The following HDAC4 variants were observed in gnomAD, a reference collection of about 807,000 sequenced individuals.
The protein encoded by HDAC4 is histone deacetylase A.
HDAC4 carries 16 observed loss-of-function variants against 135.1 expected under a neutral mutation model. The ratio of observed to expected loss-of-function variants is 0.12; its 90% CI spans 0.08 to 0.18. The LOEUF is 0.18. Ranked by LOEUF, HDAC4 falls within the 10% of genes least tolerant of loss-of-function variation. HDAC4 has a pLI of 1.00. For missense variants in HDAC4, 1,143 were observed against 1,511.8 expected (o/e 0.76, Z 4.05); for synonymous variants, 685 against 653.4 (o/e 1.05, Z -0.74).
chr2:239,397,415 T>C (rs1696637834), intron 1 of HDAC4, among the ~76,000 whole-genome samples: 1 of 152,146 alleles, frequency 6.6e-6, no homozygotes, highest in Non-Finnish European at 1.5e-5. Flanking sequence ...GCTCGTGGCA[T>C]CATCTCCTTG....
At chr2:239,385,961 G>A (rs1237036818) in intron 1 of HDAC4, among the ~76,000 whole-genome samples, 1 of 152,218 alleles carries the variant, frequency 6.6e-6, no homozygotes, top group East Asian at 1.9e-4. Flanking sequence ...GAAAGCTCAG[G>A]TGTGCCCTAA....
chr2:239,220,004 C>T (rs2046861479), intron 3 of HDAC4, among the ~76,000 whole-genome samples: 1 of 152,212 alleles, frequency 6.6e-6, no homozygotes, highest in African/African-American at 2.4e-5. Flanking sequence ...TTACTTCAGC[C>T]AACAGATAGG....
At chr2:239,266,781 C>G (rs532133174) in intron 2 of HDAC4, among the ~76,000 whole-genome samples, 1 of 152,256 alleles carries the variant, frequency 6.6e-6, no homozygotes, top group South Asian at 2.1e-4. Context: ...AGAGGCTCTT[C>G]CTTCACTTAG....
rs578122035 is a variant in HDAC4 at position 239,289,435 on chromosome 2, A to ATG, written c.23-52773_23-52772dup. 1.2e-4 allele frequency among the ~76,000 whole-genome samples: 19 copies of ATG among 152,340 alleles called. 1 individual carries two copies. In the South Asian group the frequency reaches 3.7e-3, roughly 30 times the overall value. On this transcript the variant is annotated intron_variant, in intron 2 of 26. Transcript: ENST00000543185. ...CATATAACTTTTCTTATGTTACAAT[A>ATG]TGTGTGTGTGTTTCCAGATCAAGGA...
intron 2 of HDAC4, among the ~76,000 whole-genome samples, chr2:239,330,491 C>T (rs1037251719): frequency 4.6e-5 from 7 of 152,252 alleles, no homozygotes; most frequent in African/African-American, 1.4e-4. Flanking sequence ...CCACCGAACA[C>T]TGGCCTGGAC....
In HDAC4 at chr2:239,233,870, T is replaced by C. The variant is rs2047738507; in HGVS notation, c.94+2723A>G. 2.0e-5 allele frequency among the ~76,000 whole-genome samples: 3 copies of C among 152,358 alleles called. No homozygotes were observed. In the South Asian group the frequency reaches 6.2e-4, roughly 32 times the overall value. On this transcript the variant is annotated intron_variant, in intron 3 of 26. Coordinates refer to ENST00000543185, the MANE Select transcript of HDAC4 (RefSeq NM_001378414.1). The stretch of plus-strand genomic sequence containing the variant: ...AATTGAGTGTGTGTGTGTATCAGTC[T>C]GTTTCCACACCTTCAAACATCAAAA...
At position 239,167,246 on chromosome 2, in the gene HDAC4, C is replaced by T. The variant is rs2043170948; in HGVS notation, c.491-3323G>A. 6.6e-6 allele frequency among the ~76,000 whole-genome samples: 1 copy of T among 152,176 alleles called. No individual in the cohort carries two copies. Among genetic ancestry groups the T allele is most frequent in the Non-Finnish European group, 1.5e-5 (1 of 68,032 alleles). On this transcript the variant is annotated intron_variant, in intron 5 of 26. Transcript: ENST00000543185. This position sits in a 1 kb window ranked among gnomAD's most constrained non-coding sequence, Gnocchi z 4.1. ...CTGTTACTGTGGATCCACTGGCCCT[C>T]CACGGGGGAGGGTGCGCACTCCAGG...
At chr2:239,099,485 G>A (rs571495305) in intron 16 of HDAC4, among the ~76,000 whole-genome samples, 39 of 152,342 alleles carry the variant, frequency 2.6e-4, no homozygotes, top group Non-Finnish European at 4.1e-4. Flanking sequence ...CCATGCTGGA[G>A]AACCCGGCCA....
intron 22 of HDAC4, among the ~76,000 whole-genome samples, chr2:239,072,261 G>A (rs1039756874): frequency 3.9e-5 from 6 of 152,114 alleles, no homozygotes; most frequent in African/African-American, 1.4e-4. Flanking sequence ...ATTTATTTTG[G>A]TGCAGAAACA....
At chr2:239,377,465 G>A (rs1695093187) in intron 1 of HDAC4, among the ~76,000 whole-genome samples, 1 of 152,134 alleles carries the variant, frequency 6.6e-6, no homozygotes, top group Non-Finnish European at 1.5e-5. Context: ...GCCACCAATG[G>A]GCCTCTCTGG....
intron 2 of HDAC4, among the ~76,000 whole-genome samples, chr2:239,319,722 TAATG>T (rs2053243302): frequency 1.3e-5 from 2 of 152,218 alleles, no homozygotes; most frequent in African/African-American, 4.8e-5. Flanking sequence ...TGCAAGACAC[TAATG>T]AACACCAGTC....
chr2:239,177,361 G>A (rs796871129), intron 4 of HDAC4, among the ~76,000 whole-genome samples: 32 of 152,320 alleles, frequency 2.1e-4, no homozygotes, highest in African/African-American at 7.5e-4. Context: ...TCCTCCGCTG[G>A]CTCAATCAGT....
At chr2:239,059,503 G>C (rs2032359514) in intron 24 of HDAC4, among the ~76,000 whole-genome samples, 1 of 152,128 alleles carries the variant, frequency 6.6e-6, no homozygotes, top group Non-Finnish European at 1.5e-5. Context: ...AGACGTGAAA[G>C]GCAGGAAACT....
intron 22 of HDAC4, among the ~76,000 whole-genome samples, chr2:239,077,279 G>A (rs982411887): frequency 6.6e-6 from 1 of 152,226 alleles, no homozygotes. Context: ...CTGTTCCTTC[G>A]GGACGGCCCT....
intron 19 of HDAC4, among the ~76,000 whole-genome samples, chr2:239,086,738 C>T (rs540848680): frequency 8.0e-4 from 122 of 152,344 alleles, no homozygotes; most frequent in African/African-American, 2.9e-3. Flanking sequence ...TGCACTTGTT[C>T]TTGCGTTGCC....
intron 3 of HDAC4, among the ~76,000 whole-genome samples, chr2:239,232,336 T>C (rs2047623084): frequency 6.6e-6 from 1 of 152,224 alleles, no homozygotes; most frequent in Admixed American, 6.5e-5. Flanking sequence ...TGGTCTCTCC[T>C]GGCTGACTAA....
rs1361012336 is a variant in HDAC4, at chr2:239,308,410, TGAG to T, written c.22+44265_22+44267del. ...CATGAGGCTGTAATCAACTTGGGAG[TGAG>T]GAGTTCCTTAGCTTCCTGTTTTCAG... On this transcript the variant is annotated intron_variant, in intron 2 of 26. Transcript: ENST00000543185. The surrounding 1 kb of genome is among the most constrained non-coding windows in gnomAD (Gnocchi z 4.2). 6.6e-6 allele frequency among the ~76,000 whole-genome samples: 1 copy of T among 150,714 alleles called. No homozygotes were observed. The highest frequency in any genetic ancestry group is 2.5e-5 in the African/African-American group (1 of 40,706).
intron 8 of HDAC4, among the ~76,000 whole-genome samples, chr2:239,144,139 T>C (rs1327746285): frequency 6.6e-6 from 1 of 152,154 alleles, no homozygotes; most frequent in African/African-American, 2.4e-5. Context: ...CCCTGCTCAG[T>C]TGATGGGTGC....
rs1440467477 is a variant in HDAC4 at position 239,163,855 on chromosome 2, C to T, written c.559G>A (p.Ala187Thr). The change falls in exon 6 of 27, where the codon GCC becomes ACC. Residue 187 changes from alanine to threonine, a missense_variant. This residue lies in a region of HDAC4 where 247 missense variants were observed against 310.0 expected (regional missense o/e 0.80). Transcript: ENST00000543185. ...ATGCAGTGGTTCAGATTCCGGTGGG[C>T]CAGCGCCTTCTTTTTATTGAGGACA... ...EFVLNKKKAL[A>T]HRNLNHCISS... The T allele has an allele frequency of 1.2e-6, 2 of 1,614,016 alleles. No homozygotes were observed. The highest frequency in any genetic ancestry group is 2.2e-5 in the East Asian group (1 of 44,878).
Sources: allele counts gnomAD v4.1 joint callset (sites outside exome capture counted in the v4.1 genomes callset), GRCh38; gene constraint gnomAD v4.1.1; regional missense constraint gnomAD v4.1.1; non-coding constraint Gnocchi (gnomAD v3.1); transcripts MANE v1.5; gene names NCBI Gene and HGNC (gene_info 2026-07-23, HGNC 2026-07-21).